SLC12A2: variants seen among roughly 807,000 people sequenced by gnomAD.
SLC12A2 encodes the protein Na-K-2Cl cotransporter 1.
Under a neutral mutation model 136.3 loss-of-function variants are expected in SLC12A2, and 67 were observed. That is an observed-to-expected ratio of 0.49 (90% CI 0.40 to 0.60). The LOEUF is 0.60. SLC12A2 is among the 20% of genes least tolerant of loss of function. The pLI is 0.00. For missense variants in SLC12A2, 1,322 were observed against 1,534.7 expected (o/e 0.86, Z 2.32); for synonymous variants, 619 against 562.9 (o/e 1.10, Z -1.41).
At chr5:128,087,063 C>T (rs1357745479) in intron 1 of SLC12A2, among the ~76,000 whole-genome samples, 2 of 152,192 alleles carry the variant, frequency 1.3e-5, no homozygotes, top group Non-Finnish European at 2.9e-5. Flanking sequence ...ACTTCAGAAA[C>T]TTGTTAGGGA....
chr5:128,104,402 C>T (rs190652114), intron 1 of SLC12A2, among the ~76,000 whole-genome samples: 9 of 152,112 alleles, frequency 5.9e-5, no homozygotes, highest in Admixed American at 5.2e-4. Context: ...GAGGCCCAGG[C>T]GGGCAGATCA....
chr5:128,131,038 G>GT lies in SLC12A2; in HGVS notation c.1049-21dup, dbSNP rs756837857. On this transcript the variant is annotated intron_variant, in intron 4 of 26. Coordinates refer to ENST00000262461, the MANE Select transcript of SLC12A2 (RefSeq NM_001046.3). ...ATTTTAAATCCTAACTTTAGTACCT[G>GT]TTTTTTTTGTTTGTTTGTTTGTTTT... 1.2e-4 allele frequency: 187 copies of GT among 1,604,616 alleles called. 1 individual carries two copies. Among genetic ancestry groups the GT allele is most frequent in the Admixed American group, 3.9e-4 (23 of 59,340 alleles).
At chr5:128,150,184 A>G in intron 13 of SLC12A2, 86 bp downstream of exon 13, 1 of 827,946 alleles carries the variant, frequency 1.2e-6, no homozygotes, top group Non-Finnish European at 2.0e-6. Flanking sequence ...CAAAGATGTT[A>G]TGTGTGGGGT....
intron 15 of SLC12A2, among the ~76,000 whole-genome samples, chr5:128,153,076 G>C (rs1467235934): frequency 2.6e-5 from 4 of 152,118 alleles, no homozygotes; most frequent in Admixed American, 2.0e-4. Flanking sequence ...TTACGTAACT[G>C]TGTAAGTATG....
intron 9 of SLC12A2, among the ~76,000 whole-genome samples, chr5:128,140,975 A>G (rs1006637355): frequency 2.7e-5 from 4 of 149,910 alleles, no homozygotes; most frequent in Non-Finnish European, 2.9e-5. Context: ...CATGCATGTA[A>G]TTTTTACCTC....
At chr5:128,184,939 TA>T in intron 26 of SLC12A2, 83 bp downstream of exon 26, 1 of 1,180,746 alleles carries the variant, frequency 8.5e-7, no homozygotes, top group South Asian at 1.3e-5. Context: ...TACATATCTA[TA>T]TAACACCCAT....
chr5:128,139,941 A>G lies in SLC12A2; in HGVS notation c.1621+1033A>G, dbSNP rs549269766. On this transcript the variant is annotated intron_variant, in intron 9 of 26. Transcript: ENST00000262461. ...TAATTTTGAAATTTCACTACATGAC[A>G]GAAATACTAATAATATCATGGTGAG... Among the ~76,000 whole-genome samples, 20 of 152,304 alleles carry G rather than the reference A, an allele frequency of 1.3e-4. No homozygotes were observed. In the South Asian group the frequency reaches 3.7e-3, roughly 28 times the overall value.
intron 1 of SLC12A2, among the ~76,000 whole-genome samples, chr5:128,096,487 AT>A (rs995545370): frequency 2.6e-5 from 4 of 151,996 alleles, no homozygotes; most frequent in East Asian, 1.9e-4. Context: ...TTATAGGAAG[AT>A]TTTTTTCTTT....
chr5:128,167,996 C>T (rs1173783940), intron 18 of SLC12A2, 129 bp downstream of exon 18: 1 of 562,356 alleles, frequency 1.8e-6, no homozygotes, highest in Non-Finnish European at 3.1e-6. Flanking sequence ...AAAAGAATCA[C>T]ACAAAGCATC....
Position 128,182,934 on chromosome 5 carries a change from A to G in SLC12A2, c.3292A>G (p.Lys1098Glu). ...AGGAGATATCAATACCAAACCAAAGAAAGAAAAGTAAGTTACTCTACAAAT... is the reference window on the plus strand; with the variant it reads ...AGGAGATATCAATACCAAACCAAAGGAAGAAAAGTAAGTTACTCTACAAAT... Reference protein sequence around the residue: ...VLGDINTKPKKENIIAFEEII... With the variant: ...VLGDINTKPKEENIIAFEEII... Residue 1098 changes from lysine to glutamate, a missense_variant, in exon 24 of 27, where the codon AAA becomes GAA. Transcript: ENST00000262461. The G allele has an allele frequency of 6.2e-7, 1 of 1,600,530 alleles. No individual in the cohort carries two copies. The highest frequency in any genetic ancestry group is 8.5e-7 in the Non-Finnish European group (1 of 1,170,008).
intron 9 of SLC12A2, among the ~76,000 whole-genome samples, chr5:128,139,279 T>C (rs1250062213): frequency 6.6e-6 from 1 of 152,082 alleles, no homozygotes. Flanking sequence ...TTTATTTTTT[T>C]TTTTTACAGT....
At position 128,147,636 on chromosome 5, in the gene SLC12A2, G is replaced by A. The variant is rs1205463066; in HGVS notation, c.1788G>A (p.Val596=). The A allele has an allele frequency of 1.2e-6, 2 of 1,606,100 alleles. No homozygotes were observed. The highest frequency in any genetic ancestry group is 1.7e-5 in the Admixed American group (1 of 59,810). ...TTTTATTTAAGGTAATGAGTATGGT[G>A]TCAGGATTTACACCACTAATTTCTG... is the stretch of plus-strand genomic sequence containing the variant. ...LMNNFQVMSM[V]SGFTPLISAG... is the part of the protein sequence containing the mutation. Residue 596 remains valine (V), a synonymous_variant, in exon 11 of 27, where the codon GTG becomes GTA. Coordinates refer to ENST00000262461, the MANE Select transcript of SLC12A2 (RefSeq NM_001046.3).
intron 15 of SLC12A2, 100 bp downstream of exon 15, chr5:128,152,905 C>T (rs1762750051): frequency 2.8e-6 from 2 of 716,468 alleles, no homozygotes; most frequent in Non-Finnish European, 4.9e-6. Context: ...CATTTTTAAT[C>T]GGTCTTGGGC....
intron 1 of SLC12A2, among the ~76,000 whole-genome samples, chr5:128,103,231 C>T (rs73337310): frequency 1.1e-3 from 164 of 152,244 alleles, no homozygotes; most frequent in African/African-American, 3.8e-3. Context: ...TTTTTGTGTT[C>T]TGTACAATTA....
chr5:128,092,457 T>A (rs1760368192), intron 1 of SLC12A2, among the ~76,000 whole-genome samples: 1 of 152,212 alleles, frequency 6.6e-6, no homozygotes, highest in Admixed American at 6.5e-5. Flanking sequence ...TTGTTGTGAT[T>A]ATGGCCTGTT....
Position 128,084,507 on chromosome 5 carries a change from C to A in SLC12A2, c.553C>A (p.Leu185Met). 1 of 1,612,316 alleles carries A rather than the reference C, an allele frequency of 6.2e-7. No individual in the cohort carries two copies. The highest frequency in any genetic ancestry group is 8.5e-7 in the Non-Finnish European group (1 of 1,179,610). The change falls in exon 1 of 27, where the codon CTG becomes ATG. Residue 185 changes from leucine (L) to methionine (M), a missense_variant. Transcript: ENST00000262461. This position sits in a 1 kb window ranked among gnomAD's most constrained non-coding sequence, Gnocchi z 5.6. ...CACGGTGCTGAGCGAGGGCAGCAGC[C>A]TGCACTCCGGCGGCGGCGGCGGCAG... ...GDTVLSEGSS[L>M]HSGGGGGSGH... is the part of the protein sequence containing the mutation.
chr5:128,186,023 C>T (rs1372886460), intron 26 of SLC12A2, among the ~76,000 whole-genome samples: 1 of 151,832 alleles, frequency 6.6e-6, no homozygotes, highest in Non-Finnish European at 1.5e-5. Flanking sequence ...GTTTTGAGTC[C>T]AGCCTGGGCA....
intron 4 of SLC12A2, among the ~76,000 whole-genome samples, chr5:128,126,843 C>T (rs1761811204): frequency 6.7e-6 from 1 of 148,988 alleles, no homozygotes; most frequent in African/African-American, 2.5e-5. Context: ...AGTTGCTGAG[C>T]ATATTTATCC....
intron 1 of SLC12A2, among the ~76,000 whole-genome samples, chr5:128,102,595 C>CTTT: frequency 1.3e-4 from 3 of 23,564 alleles, no homozygotes; most frequent in Non-Finnish European, 2.1e-4. Flanking sequence ...CCCCCCCCCG[C>CTTT]CTTTTTTTTT....
Sources: allele counts gnomAD v4.1 joint callset (sites outside exome capture counted in the v4.1 genomes callset), GRCh38; gene constraint gnomAD v4.1.1; non-coding constraint Gnocchi (gnomAD v3.1); transcripts MANE v1.5; gene names NCBI Gene and HGNC (gene_info 2026-07-23, HGNC 2026-07-21).